GAK: variants seen among roughly 807,000 people sequenced by gnomAD.
The protein encoded by GAK is cyclin G associated kinase, also known as cyclin-G-associated kinase.
GAK carries 79 observed loss-of-function variants against 143.9 expected under a neutral mutation model. The observed-to-expected ratio is 0.55, with a 90% CI of 0.46 to 0.66. The LOEUF (loss-of-function observed/expected upper bound fraction) is 0.66. Ranked by LOEUF, GAK falls within the 30% of genes least tolerant of loss-of-function variation. The pLI, the probability that GAK is intolerant of heterozygous loss-of-function variation, is 0.00. For synonymous variants in GAK, 881 were observed against 765.5 expected (o/e 1.15, Z -2.49); for missense variants, 1,693 against 1,779.7 (o/e 0.95, Z 0.88).
chr4:862,450 G>A (rs1228253500), intron 23 of GAK, among the ~76,000 whole-genome samples: 1 of 152,180 alleles, frequency 6.6e-6, no homozygotes, highest in South Asian at 2.1e-4. Context: ...CACGAGGTCA[G>A]GAGATCGAGA....
intron 12 of GAK, among the ~76,000 whole-genome samples, 161 bp from the exon 13 acceptor site, chr4:883,624 C>T (rs11736181): frequency 0.16 from 24,533 of 152,252 alleles, 2,409 homozygotes; most frequent in East Asian, 0.39. Context: ...CCGTGGACTC[C>T]CAGCCTGGGT....
At chr4:901,539 G>A (rs1016430170) in intron 5 of GAK, among the ~76,000 whole-genome samples, 2 of 152,256 alleles carry the variant, frequency 1.3e-5, no homozygotes, top group Non-Finnish European at 2.9e-5. Flanking sequence ...TGCACGGGGT[G>A]CAGGGCCAGG....
intron 15 of GAK, among the ~76,000 whole-genome samples, chr4:880,964 G>T (rs1158870395): frequency 6.6e-6 from 1 of 152,174 alleles, no homozygotes; most frequent in East Asian, 1.9e-4. Context: ...TGTGTGGAGG[G>T]GCTCCCAACT....
intron 13 of GAK, 30 bp from the exon 14 acceptor site, chr4:882,849 G>C: frequency 1.2e-6 from 2 of 1,600,128 alleles, no homozygotes; most frequent in Non-Finnish European, 1.7e-6. Flanking sequence ...TGGCACGGAC[G>C]GCAGAGGAGC....
At chr4:850,407 T>C in intron 26 of GAK, 1 of 260,172 alleles carries the variant, frequency 3.8e-6, no homozygotes, top group Non-Finnish European at 7.3e-6. Flanking sequence ...TGGTCCCTGG[T>C]GCCTGTGAAA....
chr4:870,630 C>T, intron 19 of GAK, 81 bp downstream of exon 19: 1 of 1,453,872 alleles, frequency 6.9e-7, no homozygotes, highest in Non-Finnish European at 9.5e-7. Context: ...CCCAGCCCTG[C>T]CAGAGCTCAG....
intron 19 of GAK, 173 bp from the exon 20 acceptor site, chr4:868,858 T>A: frequency 1.5e-6 from 1 of 653,338 alleles, no homozygotes; most frequent in South Asian, 1.9e-5. Context: ...AGATTCCTGC[T>A]ATCCACTCGG....
chr4:907,883 G>A (rs1721363339), intron 4 of GAK, among the ~76,000 whole-genome samples: 1 of 152,196 alleles, frequency 6.6e-6, no homozygotes, highest in Non-Finnish European at 1.5e-5. Flanking sequence ...GCGCGCGCAT[G>A]CGTTAGTCTG....
Position 849,908 on chromosome 4 carries a change from G to A in GAK, c.3818C>T (p.Ala1273Val). ...VKKHYRRAVL[A>V]VHPDKAAGQP... The stretch of plus-strand genomic sequence containing the variant: ...TCTGCTCACCTTGTCGGGGTGCACA[G>A]CCAGCACCGCGCGGCGATAGTGCTT... The change falls in exon 27 of 28, where the codon GCT becomes GTT. Residue 1273 changes from alanine (A) to valine (V), a missense_variant. Transcript: ENST00000314167. 1.9e-6 allele frequency: 3 copies of A among 1,592,990 alleles called. No homozygotes were observed. The highest frequency in any genetic ancestry group is 1.4e-5 in the African/African-American group (1 of 73,248).
chr4:849,831 A>AGGGGGGGGGG, intron 27 of GAK, 57 bp from the exon 28 acceptor site: 13 of 998,954 alleles, frequency 1.3e-5, no homozygotes, highest in Non-Finnish European at 1.7e-5. Context: ...CGGGCGGGGC[A>AGGGGGGGGGG]GGACCCCCCC....
chr4:860,575 C>T (rs887050039), intron 23 of GAK, among the ~76,000 whole-genome samples: 5 of 152,174 alleles, frequency 3.3e-5, no homozygotes, highest in East Asian at 1.9e-4. Context: ...ATCAAACTGG[C>T]GAGACACCTT....
intron 1 of GAK, among the ~76,000 whole-genome samples, chr4:916,956 GAACA>G (rs1235816763): frequency 2.6e-5 from 4 of 152,202 alleles, no homozygotes; most frequent in African/African-American, 9.7e-5. Context: ...ACAGGTGAAT[GAACA>G]AATTACCCAC....
chr4:868,016 G>C (rs1229454272), intron 20 of GAK, among the ~76,000 whole-genome samples: 1 of 152,244 alleles, frequency 6.6e-6, no homozygotes, highest in Non-Finnish European at 1.5e-5. Context: ...GGCGGCAGAA[G>C]GGACGAGCCC....
chr4:851,562 GGACCCAGAGGCCT>G (rs772135943), intron 25 of GAK, 175 bp downstream of exon 25: 12 of 622,926 alleles, frequency 1.9e-5, no homozygotes, highest in East Asian at 1.7e-4. Flanking sequence ...GGAACAAGAG[GGACCCAGAGGCCT>G]GACCCAGAGA....
At chr4:861,378 C>T (rs1750246163) in intron 23 of GAK, among the ~76,000 whole-genome samples, 1 of 152,098 alleles carries the variant, frequency 6.6e-6, no homozygotes, top group African/African-American at 2.4e-5. Flanking sequence ...GTGCTTGAGC[C>T]CAGGAGTTCA....
At chr4:892,120 A>G (rs112195598) in intron 9 of GAK, among the ~76,000 whole-genome samples, 2,153 of 152,094 alleles carry the variant, frequency 0.014, 62 homozygotes, top group African/African-American at 0.047. Context: ...TCCTTGTCCC[A>G]CAGGGTCCTG....
chr4:895,800 T>C (rs367958382), intron 7 of GAK, among the ~76,000 whole-genome samples: 118 of 151,932 alleles, frequency 7.8e-4, no homozygotes, highest in African/African-American at 2.8e-3. Context: ...GCCCTCACTC[T>C]GGCCTGGCTC....
chr4:873,047 C>A (rs1713046377), intron 18 of GAK, among the ~76,000 whole-genome samples: 3 of 152,166 alleles, frequency 2.0e-5, no homozygotes, highest in African/African-American at 7.2e-5. Flanking sequence ...GCAGGGAACA[C>A]GCCTCTCGCC....
intron 4 of GAK, among the ~76,000 whole-genome samples, chr4:907,966 G>A (rs1311788843): frequency 1.3e-5 from 2 of 152,086 alleles, no homozygotes; most frequent in Non-Finnish European, 2.9e-5. Flanking sequence ...CAGGGTCAGC[G>A]ATGAGCCGCT....
Sources: allele counts gnomAD v4.1 joint callset (sites outside exome capture counted in the v4.1 genomes callset), GRCh38; gene constraint gnomAD v4.1.1; transcripts MANE v1.5; gene names NCBI Gene and HGNC (gene_info 2026-07-23, HGNC 2026-07-21).